TONSL: variants seen among roughly 807,000 people sequenced by gnomAD.
TONSL encodes tonsoku like, DNA repair protein, also known as tonsoku-like protein.
TONSL carries 112 observed loss-of-function variants against 147.1 expected under a neutral mutation model. The ratio of observed to expected loss-of-function variants is 0.76; its 90% CI spans 0.65 to 0.89. The LOEUF (loss-of-function observed/expected upper bound fraction) is 0.89. Among genes scored for constraint, TONSL ranks in the 40% least tolerant of loss-of-function variants. TONSL has a pLI of 0.00. For missense variants in TONSL, 1,883 were observed against 1,864.6 expected, an observed-to-expected ratio of 1.01 and a Z score of -0.18; for synonymous variants, 868 against 801.5, an observed-to-expected ratio of 1.08 and a Z score of -1.40.
At chr8:144,438,245 C>T (rs1377366623) in intron 13 of TONSL, 1 of 591,082 alleles carries the variant, frequency 1.7e-6, no homozygotes, top group Non-Finnish European at 3.0e-6. Flanking sequence ...CTGTGTTGCC[C>T]AGGCTGGAGT....
chr8:144,430,275 G>T, intron 25 of TONSL, 129 bp downstream of exon 25: 1 of 1,163,080 alleles, frequency 8.6e-7, no homozygotes, highest in Non-Finnish European at 1.2e-6. Flanking sequence ...TGCTGCCCCA[G>T]CCTCATGGAG....
Position 144,428,857 on chromosome 8 carries a change from T to C in TONSL, c.*286A>G. 3.5e-6 allele frequency: 1 copy of C among 285,398 alleles called. No individual in the cohort carries two copies. The highest frequency in any genetic ancestry group is 6.6e-6 in the Non-Finnish European group (1 of 152,416). 17.7% of individuals were successfully genotyped at this position (285,398 alleles called of 1,614,324 possible). A position where few individuals can be genotyped will look rare whatever the true frequency, so the allele number is the denominator to read the frequency against. Reference sequence around the variant, plus strand: ...CAGGCTGGAGTGCAGTGGTGCGATCTCGGCTCACTGCAAGCTCCGCCTCCC... The same window carrying C: ...CAGGCTGGAGTGCAGTGGTGCGATCCCGGCTCACTGCAAGCTCCGCCTCCC... On this transcript the variant is annotated 3_prime_UTR_variant, in exon 26 of 26. Coordinates refer to ENST00000409379, the MANE Select transcript of TONSL (RefSeq NM_013432.5).
At chr8:144,444,115 GC>G in intron 2 of TONSL, 64 bp downstream of exon 2, 1 of 1,301,900 alleles carries the variant, frequency 7.7e-7, no homozygotes, top group Non-Finnish European at 9.7e-7. Flanking sequence ...TCGCCCCCCG[GC>G]CCCCGATCCC....
rs545323575 is a variant in TONSL at position 144,433,942 on chromosome 8, C to A, written c.3387+36G>T. On this transcript the variant is annotated intron_variant, in intron 21 of 25. Transcript: ENST00000409379. Reference sequence around the variant, plus strand: ...CCTGCAGAATGGGAACCCCAACTCCCCGCTGTTGAGGGCCTGCTGCTCTCT... The same window carrying A: ...CCTGCAGAATGGGAACCCCAACTCCACGCTGTTGAGGGCCTGCTGCTCTCT... The A allele has an allele frequency of 4.0e-5, 61 of 1,526,150 alleles. No individual in the cohort carries two copies. In the South Asian group the frequency reaches 7.2e-4, roughly 18 times the overall value. The allele number at this position is 1,526,150 out of a possible 1,614,324, so 94.5% of individuals were successfully genotyped here.
intron 3 of TONSL, 31 bp downstream of exon 3, chr8:144,443,851 G>A: frequency 1.3e-6 from 2 of 1,541,716 alleles, no homozygotes; most frequent in South Asian, 1.2e-5. Flanking sequence ...AGGCCGACCG[G>A]GCTGGACGAG....
intron 21 of TONSL, 88 bp downstream of exon 21, chr8:144,433,890 T>C (rs1203029285): frequency 6.8e-7 from 1 of 1,470,402 alleles, no homozygotes; most frequent in Non-Finnish European, 9.0e-7. Context: ...TGGCTGGCTC[T>C]CCCAACTACC....
In TONSL at chr8:144,440,442, C is replaced by A; in HGVS notation, c.1199G>T (p.Arg400Leu). The change falls in exon 10 of 26, where the codon CGC becomes CTC. Residue 400 changes from arginine to leucine, a missense_variant. Physicochemically the swap from Arg to Leu is moderately radical, Grantham distance 102 (BLOSUM62 -2). Transcript: ENST00000409379. ...AKTWLNIALS[R>L]EEAGDAYELL... ...CTCGTAGGCATCGCCGGCCTCCTCG[C>A]GGGACAGTGCAATGTTCAGCCAGGT... is the stretch of plus-strand genomic sequence containing the variant. The A allele has an allele frequency of 2.5e-6, 4 of 1,607,624 alleles. No homozygotes were observed. The highest frequency in any genetic ancestry group is 1.1e-5 in the South Asian group (1 of 90,914).
In TONSL at chr8:144,443,328, G is replaced by C; in HGVS notation, c.265-7C>G. On this transcript the variant is annotated splice_region_variant and splice_polypyrimidine_tract_variant and intron_variant, in intron 3 of 25. Transcript: ENST00000409379. Reference sequence around the variant, plus strand: ...CCAGGTACTGGTGCTGGTGCTGAGTGTGGAAGGAAGTCACTGCTGTGAGCC... The same window carrying C: ...CCAGGTACTGGTGCTGGTGCTGAGTCTGGAAGGAAGTCACTGCTGTGAGCC... 6.5e-7 allele frequency: 1 copy of C among 1,545,194 alleles called. No homozygotes were observed. Among genetic ancestry groups the C allele is most frequent in the Non-Finnish European group, 8.7e-7 (1 of 1,142,916 alleles).
Position 144,432,302 on chromosome 8 carries a change from A to T in TONSL, c.3718T>A (p.Phe1240Ile). 1 of 1,613,742 alleles carries T rather than the reference A, an allele frequency of 6.2e-7. No individual in the cohort carries two copies. The highest frequency in any genetic ancestry group is 1.1e-5 in the South Asian group (1 of 91,076). ...KGDSDLMEPV[F>I]RYLAKEGCAL... ...CCTCGTACCTTGGCCAGGTATCGGA[A>T]TACAGGCTCCATGAGGTCCGAATCA... Residue 1240 changes from phenylalanine (F) to isoleucine (I), a missense_variant, in exon 23 of 26, where the codon TTC becomes ATC. By Grantham distance (21) the Phe-to-Ile change is conservative. Coordinates refer to ENST00000409379, the MANE Select transcript of TONSL (RefSeq NM_013432.5).
At position 144,435,482 on chromosome 8, in the gene TONSL, G is replaced by T; in HGVS notation, c.2844C>A (p.Val948=). 1 of 1,547,994 alleles carries T rather than the reference G, an allele frequency of 6.5e-7. No homozygotes were observed. The highest frequency in any genetic ancestry group is 2.0e-5 in the Admixed American group (1 of 50,802). The change falls in exon 18 of 26, where the codon GTC becomes GTA. Residue 948 remains valine, a synonymous_variant. Transcript: ENST00000409379. ...QVQDHLFLIP[V]PHSSDTHSVA... ...GGCAGGCGATGCCTCACCTGTGTGGGACAGGGATGAGGAAGAGATGATCCT... is the reference window on the plus strand; with the variant it reads ...GGCAGGCGATGCCTCACCTGTGTGGTACAGGGATGAGGAAGAGATGATCCT...
rs2129700606 is a variant in TONSL at position 144,443,288 on chromosome 8, G to A, written c.298C>T (p.Leu100=). ...CTCTGCAGCTCCGTGTGGTTGCGCA[G>A]GGAATGTGCCAGCTCCAGGTACTGG... ...QHQYLELAHS[L]RNHTELQRAW... is the part of the protein sequence containing the mutation. The change falls in exon 4 of 26, where the codon CTG becomes TTG. Residue 100 remains leucine (L), a synonymous_variant. Coordinates refer to ENST00000409379, the MANE Select transcript of TONSL (RefSeq NM_013432.5). 2 of 1,550,692 alleles carry A rather than the reference G, an allele frequency of 1.3e-6. No individual in the cohort carries two copies. The highest frequency in any genetic ancestry group is 4.9e-5 in the East Asian group (2 of 40,916).
intron 11 of TONSL, chr8:144,439,803 G>C (rs11985610): frequency 0.016 from 8,737 of 543,518 alleles, 609 homozygotes; most frequent in African/African-American, 0.15. Context: ...ACACTCACTC[G>C]ACTCCCAACC....
chr8:144,441,134 G>A (rs780765300), intron 7 of TONSL, 23 bp from the exon 8 acceptor site: 8 of 1,610,932 alleles, frequency 5.0e-6, no homozygotes, highest in African/African-American at 1.3e-5. Context: ...GGTTCATGCA[G>A]GGGGGCAGCA....
At position 144,430,406 on chromosome 8, in the gene TONSL, G is replaced by C; in HGVS notation, c.3941C>G (p.Ser1314Ter). ...RPQGLSFLGL[S>*]GCAVQGPLGL... ...GTGGCCACCATACCAGCACTCACCT[G>C]ACAGGCCAAGGAAGCTAAGGCCTTG... is the stretch of plus-strand genomic sequence containing the variant. The change falls in exon 25 of 26, where the codon TCA (serine) becomes TGA (stop). Residue 1314 changes from serine (S) to a stop codon, truncating the protein, a stop_gained and splice_region_variant. Transcript: ENST00000409379. LOFTEE classifies it low-confidence loss of function (END_TRUNC). 4 of 1,605,106 alleles carry C rather than the reference G, an allele frequency of 2.5e-6. No homozygotes were observed. Among genetic ancestry groups the C allele is most frequent in the Non-Finnish European group, 3.4e-6 (4 of 1,175,958 alleles).
intron 11 of TONSL, chr8:144,439,750 C>G (rs1223301416): frequency 4.0e-6 from 2 of 504,162 alleles, no homozygotes; most frequent in Non-Finnish European, 6.9e-6. Flanking sequence ...CACCCCTGGC[C>G]CCAGATGGCA....
At position 144,444,395 on chromosome 8, in the gene TONSL, A is replaced by AGCTCGCGCTCCAGGCTCAT; in HGVS notation, c.1_19dup (p.Leu7HisfsTer61). On this transcript the variant is annotated frameshift_variant, in exon 1 of 26. Coordinates refer to ENST00000409379, the MANE Select transcript of TONSL (RefSeq NM_013432.5). LOFTEE classifies it high-confidence loss of function. The stretch of plus-strand genomic sequence containing the variant: ...GGGGTCCCCGAGGAACTTACGGCGA[A>AGCTCGCGCTCCAGGCTCAT]GCTCGCGCTCCAGGCTCATGCTCGG... 1 of 1,271,918 alleles carries AGCTCGCGCTCCAGGCTCAT rather than the reference A, an allele frequency of 7.9e-7. No homozygotes were observed. Among genetic ancestry groups the AGCTCGCGCTCCAGGCTCAT allele is most frequent in the Non-Finnish European group, 9.9e-7 (1 of 1,007,122 alleles). The allele number at this position is 1,271,918 out of a possible 1,614,324, so 78.8% of individuals were successfully genotyped here.
intron 11 of TONSL, chr8:144,439,735 C>T (rs1032677644): frequency 5.7e-5 from 27 of 477,446 alleles, no homozygotes; most frequent in Middle Eastern, 5.2e-4. Context: ...CAAAGTGCAC[C>T]GTCTCACCCC....
rs550991552 is a variant in TONSL, at chr8:144,436,710, A to G, written c.1891-29T>C. 5.6e-6 allele frequency: 9 copies of G among 1,611,458 alleles called. No homozygotes were observed. In the East Asian group the frequency reaches 1.3e-4, roughly 24 times the overall value. The stretch of plus-strand genomic sequence containing the variant: ...TGTGGCATCAGTTGAGCAGGGGCAC[A>G]GCAGCCCCCATAACCTCGCCCTTGC... On this transcript the variant is annotated intron_variant, in intron 15 of 25. Coordinates refer to ENST00000409379, the MANE Select transcript of TONSL (RefSeq NM_013432.5).
chr8:144,437,982 A>T (rs1291912740), intron 13 of TONSL, among the ~76,000 whole-genome samples: 2 of 151,694 alleles, frequency 1.3e-5, no homozygotes, highest in African/African-American at 4.8e-5. Flanking sequence ...GGCTCACTGC[A>T]GCCTCCACCT....
Sources: gnomAD v4.1 joint callset for allele counts (sites outside exome capture counted in the v4.1 genomes callset) on GRCh38, gnomAD v4.1.1 for gene constraint, MANE v1.5 for transcripts, NCBI Gene and HGNC (gene_info 2026-07-23, HGNC 2026-07-21) for gene names.